AGO3: variants seen among roughly 807,000 people sequenced by gnomAD.
AGO3 encodes the protein argonaute RISC catalytic component 3.
AGO3 carries 16 observed loss-of-function variants against 105.5 expected under a neutral mutation model. That is an observed-to-expected ratio of 0.15 (90% CI 0.10 to 0.23). The LOEUF is 0.23. AGO3 is among the 10% of genes least tolerant of loss of function. The pLI is 1.00. For missense variants in AGO3, 534 were observed against 1,088.0 expected, an observed-to-expected ratio of 0.49 and a Z score of 7.16; for synonymous variants, 340 against 367.3, an observed-to-expected ratio of 0.93 and a Z score of 0.85.
At chr1:35,971,469 CT>C (rs931329996) in intron 3 of AGO3, among the ~76,000 whole-genome samples, 4 of 149,112 alleles carry the variant, frequency 2.7e-5, no homozygotes, top group Non-Finnish European at 5.9e-5. Flanking sequence ...TTTTTTTTTT[CT>C]TTTTTTTAAT....
At chr1:35,985,470 G>A (rs1647152201) in intron 5 of AGO3, among the ~76,000 whole-genome samples, 1 of 152,210 alleles carries the variant, frequency 6.6e-6, no homozygotes, top group South Asian at 2.1e-4. Flanking sequence ...GCAGGAACAG[G>A]CAGATTAATG....
chr1:36,048,001 A>G (rs115083098), intron 17 of AGO3, among the ~76,000 whole-genome samples: 2,327 of 152,336 alleles, frequency 0.015, 49 homozygotes, highest in African/African-American at 0.053. Context: ...CCCAAGGAAC[A>G]TTGTAGTCAA....
intron 16 of AGO3, among the ~76,000 whole-genome samples, chr1:36,043,062 A>G (rs1054951140): frequency 3.3e-5 from 5 of 152,156 alleles, no homozygotes; most frequent in Admixed American, 6.6e-5. Context: ...CTAAACATCT[A>G]GTTTTCTCCA....
Position 36,034,159 on chromosome 1 carries a change from G to A in AGO3, c.1592-15G>A, listed in dbSNP as rs1034503420. ...GTCTTTTTTTCTGACTAGAGGTTTT[G>A]CATCTATTCCATAGCGGAAGTGAAA... is the stretch of plus-strand genomic sequence containing the variant. On this transcript the variant is annotated splice_polypyrimidine_tract_variant and intron_variant, in intron 12 of 18. Transcript: ENST00000373191. 1 of 1,503,004 alleles carries A rather than the reference G, an allele frequency of 6.7e-7. No individual in the cohort carries two copies. The highest frequency in any genetic ancestry group is 8.9e-7 in the Non-Finnish European group (1 of 1,124,722). The allele number at this position is 1,503,004 out of a possible 1,614,324, so 93.1% of individuals were successfully genotyped here.
At chr1:36,048,726 G>C (rs1004771732) in intron 17 of AGO3, among the ~76,000 whole-genome samples, 1 of 152,148 alleles carries the variant, frequency 6.6e-6, no homozygotes, top group African/African-American at 2.4e-5. Context: ...TTCTCACTCT[G>C]GTTTCCAGGC....
chr1:35,978,252 C>T (rs1216885608), intron 5 of AGO3, among the ~76,000 whole-genome samples: 9 of 152,192 alleles, frequency 5.9e-5, no homozygotes, highest in South Asian at 4.1e-4. Flanking sequence ...TGTAGTGGCT[C>T]GATCTCGACT....
In AGO3 at chr1:35,970,220, G is replaced by T. The variant is rs1274010236; in HGVS notation, c.313-1804G>T. 2.0e-5 allele frequency among the ~76,000 whole-genome samples: 3 copies of T among 152,252 alleles called. No homozygotes were observed. In the East Asian group the frequency reaches 5.8e-4, roughly 29 times the overall value. ...TTCTAAGCCCTTTCAATGGATAGAGGTAGGAAATTTATAAATAAGTAGATA... is the reference window on the plus strand; with the variant it reads ...TTCTAAGCCCTTTCAATGGATAGAGTTAGGAAATTTATAAATAAGTAGATA... On this transcript the variant is annotated intron_variant, in intron 3 of 18. Coordinates refer to ENST00000373191, the MANE Select transcript of AGO3 (RefSeq NM_024852.4).
intron 1 of AGO3, among the ~76,000 whole-genome samples, chr1:35,935,765 C>G (rs1354078629): frequency 6.6e-6 from 1 of 152,166 alleles, no homozygotes. Flanking sequence ...AGTTTCACAT[C>G]GGTTTCTATA....
At chr1:35,956,828 A>G (rs1646575395) in intron 2 of AGO3, among the ~76,000 whole-genome samples, 1 of 151,178 alleles carries the variant, frequency 6.6e-6, no homozygotes, top group African/African-American at 2.4e-5. Context: ...TTGTATTTTT[A>G]GTAGAGATAG....
chr1:35,961,381 A>T (rs1646673794), intron 2 of AGO3, among the ~76,000 whole-genome samples: 1 of 152,170 alleles, frequency 6.6e-6, no homozygotes, highest in African/African-American at 2.4e-5. Flanking sequence ...AGCAAAGATG[A>T]ACTCAGGTAC....
Position 36,008,719 on chromosome 1 carries a change from A to G in AGO3, c.823A>G (p.Thr275Ala). 1 of 1,614,170 alleles carries G rather than the reference A, an allele frequency of 6.2e-7. No individual in the cohort carries two copies. Among genetic ancestry groups the G allele is most frequent in the Middle Eastern group, 1.6e-4 (1 of 6,062 alleles). ...GLKVEVTHCG[T>A]MRRKYRVCNV... ...GAAGGTTGAAGTGACTCATTGTGGAACAATGAGACGGAAATACCGTGTTTG... is the reference window on the plus strand; with the variant it reads ...GAAGGTTGAAGTGACTCATTGTGGAGCAATGAGACGGAAATACCGTGTTTG... The change falls in exon 7 of 19, where the codon ACA (threonine) becomes GCA (alanine). Residue 275 changes from threonine (T) to alanine (A), a missense_variant. Thr to Ala is a moderately conservative substitution (Grantham distance 58, BLOSUM62 0). Coordinates refer to ENST00000373191, the MANE Select transcript of AGO3 (RefSeq NM_024852.4). The surrounding 1 kb of genome is among the most constrained non-coding windows in gnomAD (Gnocchi z 5.1).
intron 1 of AGO3, among the ~76,000 whole-genome samples, chr1:35,939,760 T>C (rs778302444): frequency 2.6e-4 from 39 of 152,158 alleles, no homozygotes; most frequent in Non-Finnish European, 4.9e-4. Flanking sequence ...GATATTTTAC[T>C]ATAGAGAATT....
chr1:36,023,168 G>T (rs1346783419), intron 11 of AGO3, among the ~76,000 whole-genome samples: 1 of 152,136 alleles, frequency 6.6e-6, no homozygotes, highest in Non-Finnish European at 1.5e-5. Flanking sequence ...ACCCATTTCA[G>T]ATTTTAAAAT....
intron 5 of AGO3, among the ~76,000 whole-genome samples, chr1:35,985,340 T>C (rs1007078154): frequency 8.5e-5 from 13 of 152,244 alleles, no homozygotes; most frequent in Middle Eastern, 3.4e-3. Context: ...TAAGTCGATA[T>C]TAAGATTTAT....
chr1:36,016,896 G>T (rs1640931510), intron 11 of AGO3, among the ~76,000 whole-genome samples: 1 of 152,038 alleles, frequency 6.6e-6, no homozygotes. Context: ...GTCTGTTGGG[G>T]CCTCATGCAT....
chr1:35,961,723 A>T (rs573415376), intron 2 of AGO3, among the ~76,000 whole-genome samples: 99 of 152,164 alleles, frequency 6.5e-4, no homozygotes, highest in Non-Finnish European at 7.5e-4. Flanking sequence ...GTACTCCAAG[A>T]TGTAAAATGA....
At chr1:36,030,323 G>C (rs114689820) in intron 12 of AGO3, among the ~76,000 whole-genome samples, 1 of 151,732 alleles carries the variant, frequency 6.6e-6, no homozygotes, top group Non-Finnish European at 1.5e-5. Flanking sequence ...GCAACATGGC[G>C]AAACCTCATA....
At chr1:35,963,351 T>G in intron 2 of AGO3, among the ~76,000 whole-genome samples, 1 of 151,214 alleles carries the variant, frequency 6.6e-6, no homozygotes, top group East Asian at 2.0e-4. Flanking sequence ...AGATAAATCT[T>G]TTAAAAATAA....
chr1:36,014,587 T>C (rs940572081), intron 11 of AGO3, among the ~76,000 whole-genome samples: 15 of 150,342 alleles, frequency 1.0e-4, no homozygotes, highest in East Asian at 4.1e-4. Flanking sequence ...CTGGCTAACA[T>C]GGTGAAACCC....
Sources: allele counts gnomAD v4.1 joint callset (sites outside exome capture counted in the v4.1 genomes callset), GRCh38; gene constraint gnomAD v4.1.1; non-coding constraint Gnocchi (gnomAD v3.1); transcripts MANE v1.5; gene names NCBI Gene and HGNC (gene_info 2026-07-23, HGNC 2026-07-21).